Variants in SLC8A1 observed in about 807,000 individuals in gnomAD.
SLC8A1 encodes the protein solute carrier family 8 member A1.
SLC8A1 carries 18 observed loss-of-function variants against 68.3 expected under a neutral mutation model. That is an observed-to-expected ratio of 0.26 (90% confidence interval 0.18 to 0.39). The LOEUF (loss-of-function observed/expected upper bound fraction) is 0.39, where lower values mean the gene tolerates loss of function less well. Ranked by LOEUF, SLC8A1 falls within the 10% of genes least tolerant of loss-of-function variation. The probability of loss-of-function intolerance (pLI) is 1.00; values close to 1 mark genes in which losing one functional copy is unlikely to be tolerated. For synonymous variants in SLC8A1, 475 were observed against 415.5 expected (o/e 1.14, Z -1.74); for missense variants, 985 against 1,156.7 (o/e 0.85, Z 2.15).
At chr2:40,261,977 T>TC (rs2064770671) in intron 2 of SLC8A1, among the ~76,000 whole-genome samples, 1 of 152,006 alleles carries the variant, frequency 6.6e-6, no homozygotes, top group East Asian at 1.9e-4. Context: ...TTTTTTTTTT[T>TC]TTTTGAGACA....
At chr2:40,459,884 A>C (rs1703241621) in intron 1 of SLC8A1, among the ~76,000 whole-genome samples, 1 of 152,206 alleles carries the variant, frequency 6.6e-6, no homozygotes, top group East Asian at 1.9e-4. Context: ...CTCTTCCACA[A>C]ACTCACATAC....
intron 2 of SLC8A1, among the ~76,000 whole-genome samples, chr2:40,386,870 A>G (rs532856635): frequency 9.3e-5 from 14 of 151,316 alleles, no homozygotes; most frequent in Non-Finnish European, 1.9e-4. Context: ...ATGACAACAA[A>G]CTACCATTTT....
At position 40,232,963 on chromosome 2, in the gene SLC8A1, G is replaced by A. The variant is rs370596107; in HGVS notation, c.1809-55108C>T. On this transcript the variant is annotated intron_variant, in intron 2 of 7. Coordinates refer to ENST00000406785, the Ensembl canonical transcript of SLC8A1. ...TTATGGCTGCATAGTATTCCATGGT[G>A]TATATGTGCCACATTTTCTTAATCC... Among the ~76,000 whole-genome samples, 3 of 151,374 alleles carry A rather than the reference G, an allele frequency of 2.0e-5. No homozygotes were observed. The East Asian group carries it at 5.8e-4, about 29-fold the overall frequency.
rs145432153 is a variant in SLC8A1, at chr2:40,365,241, C to A, written c.1808+63232G>T. ...ACCAAAAAAAAAAATGAAAGCGGGA[C>A]AAGAATTCAGACTTTCTACCATAGA... On this transcript the variant is annotated intron_variant, in intron 2 of 7. Coordinates refer to ENST00000406785, the Ensembl canonical transcript of SLC8A1. Among the ~76,000 whole-genome samples, 22 of 151,920 alleles carry A rather than the reference C, an allele frequency of 1.4e-4. No homozygotes were observed. The East Asian group carries it at 3.9e-3, about 27-fold the overall frequency.
chr2:40,216,684 T>G (rs1482445030), intron 2 of SLC8A1, among the ~76,000 whole-genome samples: 1 of 152,208 alleles, frequency 6.6e-6, no homozygotes, highest in Non-Finnish European at 1.5e-5. Flanking sequence ...GACTTTTTAA[T>G]AATTGCCACT....
intron 2 of SLC8A1, among the ~76,000 whole-genome samples, chr2:40,262,683 T>C (rs925149169): frequency 5.3e-5 from 8 of 152,236 alleles, no homozygotes; most frequent in Non-Finnish European, 1.5e-5. Flanking sequence ...TGATTCATGA[T>C]AGAATGTGAC....
At chr2:40,202,303 T>C (rs995045596) in intron 2 of SLC8A1, among the ~76,000 whole-genome samples, 1 of 151,994 alleles carries the variant, frequency 6.6e-6, no homozygotes, top group African/African-American at 2.4e-5. Flanking sequence ...CTTTTAGATA[T>C]AGCTGTTAGG....
chr2:40,258,829 G>A (rs1217260370), intron 2 of SLC8A1, among the ~76,000 whole-genome samples: 1 of 151,350 alleles, frequency 6.6e-6, no homozygotes, highest in Non-Finnish European at 1.5e-5. Flanking sequence ...GCAACAGAGT[G>A]AGACTCCATC....
upstream of SLC8A1, among the ~76,000 whole-genome samples, chr2:40,456,786 A>T (rs1017757401): frequency 6.6e-6 from 1 of 152,214 alleles, no homozygotes; most frequent in African/African-American, 2.4e-5. Context: ...AAATTTCTAT[A>T]TAATTAGATT....
At chr2:40,396,593 T>C (rs962802114) in intron 2 of SLC8A1, among the ~76,000 whole-genome samples, 2 of 151,774 alleles carry the variant, frequency 1.3e-5, no homozygotes, top group Non-Finnish European at 2.9e-5. Flanking sequence ...AAAAACTAGT[T>C]GGCAATGAAA....
At chr2:40,282,171 T>C (rs2067624910) in intron 2 of SLC8A1, among the ~76,000 whole-genome samples, 1 of 152,198 alleles carries the variant, frequency 6.6e-6, no homozygotes, top group Non-Finnish European at 1.5e-5. Context: ...CATGTATGTT[T>C]CTTACCTCAT....
At chr2:40,374,039 T>G (rs981739) in intron 2 of SLC8A1, among the ~76,000 whole-genome samples, 1 of 151,954 alleles carries the variant, frequency 6.6e-6, no homozygotes, top group Non-Finnish European at 1.5e-5. Flanking sequence ...CAGGACGCAG[T>G]GAGGTAAAGT....
rs998350196 is a variant in SLC8A1 at position 40,262,833 on chromosome 2, T to A, written c.1809-84978A>T. On this transcript the variant is annotated intron_variant, in intron 2 of 7. Transcript: ENST00000406785. ...TATTATATGAGAGAGTTGCTAAAAT[T>A]TGGATCATATTTAGCTCTCCTCCCA... Among the ~76,000 whole-genome samples the A allele has an allele frequency of 5.9e-5, 9 of 152,122 alleles. No individual in the cohort carries two copies. The South Asian group carries it at 1.9e-3, about 32-fold the overall frequency.
chr2:40,176,340 C>T (rs933241532), intron 3 of SLC8A1, among the ~76,000 whole-genome samples: 4 of 152,050 alleles, frequency 2.6e-5, no homozygotes, highest in African/African-American at 4.8e-5. Context: ...TTTACTAAAA[C>T]GGCAATTGTA....
Position 40,267,894 on chromosome 2 carries a change from T to C in SLC8A1, c.1809-90039A>G, listed in dbSNP as rs1278159724. Among the ~76,000 whole-genome samples, 5 of 152,134 alleles carry C rather than the reference T, an allele frequency of 3.3e-5. 1 individual carries two copies. The highest frequency in any genetic ancestry group is 1.3e-4 in the Admixed American group (2 of 15,262). On this transcript the variant is annotated intron_variant, in intron 2 of 7. Coordinates refer to ENST00000406785, the Ensembl canonical transcript of SLC8A1. ...GGCCCCTCCCACATATTTCCTTGAG[T>C]AGCTCCCTCACTGGGTATGCAGGAT...
chr2:40,283,141 C>G (rs957050943), intron 2 of SLC8A1, among the ~76,000 whole-genome samples: 1 of 152,154 alleles, frequency 6.6e-6, no homozygotes, highest in Admixed American at 6.5e-5. Context: ...CTAGTCCACT[C>G]TGTTAAAATA....
intron 2 of SLC8A1, among the ~76,000 whole-genome samples, chr2:40,398,795 G>C (rs1687802120): frequency 6.6e-6 from 1 of 152,020 alleles, no homozygotes; most frequent in African/African-American, 2.4e-5. Flanking sequence ...AACTATGCTA[G>C]GATGACAGTT....
At chr2:40,241,894 T>TA (rs1214409913) in intron 2 of SLC8A1, among the ~76,000 whole-genome samples, 1 of 152,102 alleles carries the variant, frequency 6.6e-6, no homozygotes, top group Non-Finnish European at 1.5e-5. Context: ...TTTCTTATTC[T>TA]AAAAACAATA....
At position 40,310,440 on chromosome 2, in the gene SLC8A1, G is replaced by A. The variant is rs572225558; in HGVS notation, c.1808+118033C>T. On this transcript the variant is annotated intron_variant, in intron 2 of 7. Coordinates refer to ENST00000406785, the Ensembl canonical transcript of SLC8A1. ...TACACAGTTAAGATCTGAGTCCTGG[G>A]TCAGGACAGAATCAATTAAGAGAGA... Among the ~76,000 whole-genome samples, 5 of 152,270 alleles carry A rather than the reference G, an allele frequency of 3.3e-5. No homozygotes were observed. In the South Asian group the frequency reaches 6.2e-4, roughly 19 times the overall value.
Sources: allele counts gnomAD v4.1 joint callset (sites outside exome capture counted in the v4.1 genomes callset), GRCh38; gene constraint gnomAD v4.1.1; transcripts MANE v1.5; gene names NCBI Gene and HGNC (gene_info 2026-07-23, HGNC 2026-07-21).